Variants in NTM observed in about 807,000 individuals in gnomAD.
The protein encoded by NTM is IgLON family member 2.
Under a neutral mutation model 42.1 loss-of-function variants are expected in NTM, and 13 were observed. The ratio of observed to expected loss-of-function variants is 0.31; its 90% CI spans 0.20 to 0.49. The LOEUF (loss-of-function observed/expected upper bound fraction) is 0.49, where lower values mean the gene tolerates loss of function less well. NTM is among the 20% of genes least tolerant of loss of function. NTM has a pLI of 0.99. For synonymous variants in NTM, 187 were observed against 179.2 expected (o/e 1.04, Z -0.35); for missense variants, 373 against 452.8 (o/e 0.82, Z 1.60).
At chr11:131,626,280 T>C (rs920180462) in intron 1 of NTM, among the ~76,000 whole-genome samples, 4 of 152,212 alleles carry the variant, frequency 2.6e-5, no homozygotes, top group African/African-American at 4.8e-5. Context: ...TTGTAGTGAT[T>C]AGTAACTGCT....
At chr11:131,751,771 C>A (rs2135707163) in intron 1 of NTM, among the ~76,000 whole-genome samples, 1 of 147,614 alleles carries the variant, frequency 6.8e-6, no homozygotes, top group Middle Eastern at 3.4e-3. Context: ...CCTCACCCCC[C>A]CCCAAAATAT....
chr11:131,690,200 C>T (rs938418771), intron 1 of NTM, among the ~76,000 whole-genome samples: 4 of 152,144 alleles, frequency 2.6e-5, no homozygotes, highest in African/African-American at 7.2e-5. Flanking sequence ...AAGTATGACA[C>T]GCAGCGAGGC....
chr11:132,268,676 G>C (rs1227399165), intron 4 of NTM, among the ~76,000 whole-genome samples: 4 of 150,862 alleles, frequency 2.7e-5, no homozygotes, highest in Middle Eastern at 3.2e-3. Flanking sequence ...CTCTCTGTGT[G>C]TGTGTGTGTG....
chr11:132,322,506 C>T (rs1366581765), intron 7 of NTM, among the ~76,000 whole-genome samples: 1 of 119,730 alleles, frequency 8.4e-6, no homozygotes, highest in Admixed American at 8.7e-5. Context: ...GCACCCAATA[C>T]AGGAGCACCC....
intron 2 of NTM, among the ~76,000 whole-genome samples, chr11:132,092,099 G>A (rs1016194980): frequency 6.6e-6 from 1 of 152,104 alleles, no homozygotes; most frequent in Non-Finnish European, 1.5e-5. Context: ...TATCTTCTCA[G>A]TAACGCCATT....
intron 7 of NTM, among the ~76,000 whole-genome samples, chr11:132,318,252 T>C (rs968275696): frequency 2.6e-5 from 4 of 152,184 alleles, no homozygotes; most frequent in African/African-American, 9.7e-5. Context: ...CTTGGGTGAC[T>C]CACTAAGCCT....
intron 1 of NTM, among the ~76,000 whole-genome samples, chr11:131,731,444 C>T (rs2079676818): frequency 6.6e-6 from 1 of 152,126 alleles, no homozygotes; most frequent in Non-Finnish European, 1.5e-5. Flanking sequence ...ATTTAATCAG[C>T]TCCAAATTCC....
chr11:131,454,771 C>T (rs1950746019), intron 1 of NTM, among the ~76,000 whole-genome samples: 1 of 144,694 alleles, frequency 6.9e-6, no homozygotes, highest in South Asian at 2.1e-4. Context: ...ACATCCTGAT[C>T]TGTGGACATC....
At chr11:131,907,568 GCA>G (rs1253403557) in intron 1 of NTM, among the ~76,000 whole-genome samples, 1 of 152,208 alleles carries the variant, frequency 6.6e-6, no homozygotes, top group Non-Finnish European at 1.5e-5. Context: ...ACAGCTGTCA[GCA>G]CAGAGACAAG....
At chr11:131,893,822 G>A (rs142522615) in intron 1 of NTM, among the ~76,000 whole-genome samples, 22 of 152,204 alleles carry the variant, frequency 1.4e-4, no homozygotes, top group East Asian at 1.4e-3. Flanking sequence ...TGAGATCTGC[G>A]TGTCATGAGT....
intron 2 of NTM, chr11:131,984,713 A>G (rs2065801900): frequency 6.6e-6 from 1 of 152,234 alleles, no homozygotes; most frequent in African/African-American, 2.4e-5. Context: ...AAAACTGTCA[A>G]AAGTATCATA....
At chr11:131,377,619 C>A (rs1942140090) in intron 1 of NTM, among the ~76,000 whole-genome samples, 1 of 152,160 alleles carries the variant, frequency 6.6e-6, no homozygotes, top group African/African-American at 2.4e-5. Context: ...AATACAAATG[C>A]ATTATTAACA....
chr11:131,748,654 C>T (rs4937650), intron 1 of NTM, among the ~76,000 whole-genome samples: 36,562 of 152,132 alleles, frequency 0.24, 5,478 homozygotes, highest in East Asian at 0.4. Context: ...GAGTGAATCA[C>T]ACATCGGTTC....
chr11:132,304,052 G>A (rs896985020), intron 4 of NTM, among the ~76,000 whole-genome samples: 13 of 152,202 alleles, frequency 8.5e-5, no homozygotes, highest in Admixed American at 5.2e-4. Context: ...CTCTTAGGAC[G>A]ATGATCTGTT....
chr11:132,284,483 C>T (rs2094141757), intron 4 of NTM: 1 of 153,290 alleles, frequency 6.5e-6, no homozygotes, highest in Non-Finnish European at 1.5e-5. Flanking sequence ...ACTGCATGAC[C>T]TACTTAGGGA....
At chr11:131,597,938 A>G (rs900287980) in intron 1 of NTM, among the ~76,000 whole-genome samples, 10 of 152,226 alleles carry the variant, frequency 6.6e-5, no homozygotes, top group Admixed American at 2.0e-4. Context: ...AATCCCAAAG[A>G]GAGACCAGCC....
intron 1 of NTM, among the ~76,000 whole-genome samples, chr11:131,604,182 A>G (rs765456900): frequency 4.6e-5 from 7 of 152,152 alleles, no homozygotes; most frequent in African/African-American, 7.2e-5. Context: ...ATCCTCCTCA[A>G]TCCTTGTTAT....
chr11:131,795,256 G>A (rs984972015), intron 1 of NTM: 3 of 454,498 alleles, frequency 6.6e-6, no homozygotes, highest in Non-Finnish European at 8.7e-6. Context: ...TTGAAAAATA[G>A]GATAATCATT....
rs116812693 is a variant in NTM at position 132,182,348 on chromosome 11, G to A, written c.401-29674G>A. ...AAACAGTGATGTACTAGCTAAGGTT[G>A]CATGCTCCAGTGTCTGATCACCTGC... is the stretch of plus-strand genomic sequence containing the variant. On this transcript the variant is annotated intron_variant, in intron 3 of 8. Coordinates refer to ENST00000683400, the MANE Select transcript of NTM (RefSeq NM_001352005.2). Among the ~76,000 whole-genome samples, 411 of 152,238 alleles carry A rather than the reference G, an allele frequency of 2.7e-3. 1 individual carries two copies. Among genetic ancestry groups the A allele is most frequent in the African/African-American group, 9.5e-3 (396 of 41,536 alleles).
Sources: gnomAD v4.1 joint callset for allele counts (sites outside exome capture counted in the v4.1 genomes callset) on GRCh38, gnomAD v4.1.1 for gene constraint, MANE v1.5 for transcripts, NCBI Gene and HGNC (gene_info 2026-07-23, HGNC 2026-07-21) for gene names.